The following DOCK8 variants were observed in gnomAD, a reference collection of about 807,000 sequenced individuals.
DOCK8 encodes the protein dedicator of cytokinesis 8, also known as dedicator of cytokinesis protein 8.
DOCK8 carries 141 observed loss-of-function variants against 245.6 expected under a neutral mutation model. The ratio of observed to expected loss-of-function variants is 0.57; its 90% confidence interval spans 0.50 to 0.66. The LOEUF (loss-of-function observed/expected upper bound fraction) is 0.66, where lower values mean the gene tolerates loss of function less well. DOCK8 is among the 30% of genes least tolerant of loss of function. The probability of loss-of-function intolerance (pLI) is 0.00; values close to 1 mark genes in which losing one functional copy is unlikely to be tolerated. For missense variants in DOCK8, 2,965 were observed against 2,603.4 expected, an observed-to-expected ratio of 1.14 and a Z score of -3.02; for synonymous variants, 1,168 against 970.2, an observed-to-expected ratio of 1.20 and a Z score of -3.79.
In DOCK8 at chr9:399,242, A is replaced by G. The variant is rs1586903036; in HGVS notation, c.3217A>G (p.Arg1073Gly). 6.2e-7 allele frequency: 1 copy of G among 1,613,578 alleles called. No individual in the cohort carries two copies. Among genetic ancestry groups the G allele is most frequent in the Non-Finnish European group, 8.5e-7 (1 of 1,179,854 alleles). ...TCGGGGCTTTGTGTTTAACCTCATC[A>G]GACATTATTGCAGCCAGGTGAGTGT... ...MDRGFVFNLI[R>G]HYCSQLSAKL... The change falls in exon 26 of 48, where the codon AGA becomes GGA. Residue 1073 changes from arginine (R) to glycine (G), a missense_variant. Physicochemically the swap from Arg to Gly is moderately radical, Grantham distance 125 (BLOSUM62 -2). Coordinates refer to ENST00000432829, the MANE Select transcript of DOCK8 (RefSeq NM_203447.4).
chr9:289,497 T>G lies in DOCK8; in HGVS notation c.333-13T>G. On this transcript the variant is annotated splice_polypyrimidine_tract_variant and intron_variant, in intron 3 of 47. Coordinates refer to ENST00000432829, the MANE Select transcript of DOCK8 (RefSeq NM_203447.4). Reference sequence around the variant, plus strand: ...CAGTAATAACGTGTTTATTTCATTTTCTACCTCATTAGGGTTGAACTGGAC... The same window carrying G: ...CAGTAATAACGTGTTTATTTCATTTGCTACCTCATTAGGGTTGAACTGGAC... 1.2e-6 allele frequency: 2 copies of G among 1,611,794 alleles called. No individual in the cohort carries two copies. The highest frequency in any genetic ancestry group is 1.1e-5 in the South Asian group (1 of 91,018).
At chr9:214,505 A>G, upstream of DOCK8, 1 of 1,612,570 alleles carries the variant, frequency 6.2e-7, no homozygotes, top group Non-Finnish European at 8.5e-7. Flanking sequence ...AATAACACCT[A>G]GCCTTACGAA....
rs1408733590 is a variant in DOCK8, at chr9:446,396, G to A, written c.5607G>A (p.Glu1869=). 1.2e-6 allele frequency: 2 copies of A among 1,614,214 alleles called. No homozygotes were observed. Among genetic ancestry groups the A allele is most frequent in the East Asian group, 2.2e-5 (1 of 44,884 alleles). ...NKAYIQITFV[E]PYFDEYEMKD... is the part of the protein sequence containing the mutation. ...CCTACATACAGATCACTTTTGTGGA[G>A]CCCTACTTTGATGAGTATGAGATGA... Residue 1869 remains glutamate (E), a synonymous_variant, in exon 44 of 48, where the codon GAG becomes GAA. Transcript: ENST00000432829.
chr9:324,743 A>G (rs1228666754), intron 7 of DOCK8, among the ~76,000 whole-genome samples: 1 of 152,146 alleles, frequency 6.6e-6, no homozygotes, highest in Non-Finnish European at 1.5e-5. Context: ...CTACAAATCT[A>G]AGGAAAAGCA....
chr9:365,851 C>A, intron 14 of DOCK8: 1 of 349,374 alleles, frequency 2.9e-6, no homozygotes. Flanking sequence ...GTCTGTACCC[C>A]ACACACATCC....
At chr9:389,128 C>G (rs2054079171) in intron 23 of DOCK8, among the ~76,000 whole-genome samples, 1 of 152,080 alleles carries the variant, frequency 6.6e-6, no homozygotes, top group African/African-American at 2.4e-5. Context: ...TCTCATTTGC[C>G]CAGGACTGAG....
At chr9:330,836 A>C (rs974663755) in intron 9 of DOCK8, among the ~76,000 whole-genome samples, 8 of 152,208 alleles carry the variant, frequency 5.3e-5, no homozygotes, top group African/African-American at 1.9e-4. Context: ...GGGAACAAAC[A>C]ATAGGTTCTC....
Position 371,488 on chromosome 9 carries a change from C to T in DOCK8, c.1929C>T (p.His643=), listed in dbSNP as rs768225064. 38 of 1,614,084 alleles carry T rather than the reference C, an allele frequency of 2.4e-5. No individual in the cohort carries two copies. The highest frequency in any genetic ancestry group is 3.2e-5 in the Non-Finnish European group (38 of 1,180,030). ...TCCCCGCTAAGCTCACAGTAAATCA[C>T]CACCTCCTGTTCACCTTCTACCATA... The part of the protein sequence containing the change: ...IKLPAKLTVN[H]HLLFTFYHIS... Residue 643 remains histidine, a synonymous_variant, in exon 17 of 48, where the codon CAC becomes CAT. Transcript: ENST00000432829.
At chr9:443,046 A>G (rs939596854) in intron 42 of DOCK8, among the ~76,000 whole-genome samples, 2 of 152,164 alleles carry the variant, frequency 1.3e-5, no homozygotes, top group Admixed American at 6.5e-5. Context: ...CCTACTTAGA[A>G]TTAGAGGTAT....
At chr9:271,477 T>C in intron 1 of DOCK8, 150 bp from the exon 2 acceptor site, 1 of 648,572 alleles carries the variant, frequency 1.5e-6, no homozygotes, top group South Asian at 1.8e-5. Context: ...CGATGTCCAC[T>C]AACAGGCCAC....
At chr9:453,049 A>G (rs904338250) in intron 46 of DOCK8, 1 of 152,240 alleles carries the variant, frequency 6.6e-6, no homozygotes. Flanking sequence ...CACTTGGCAG[A>G]TGGGGATAAA....
chr9:231,041 C>T (rs1339764449), intron 1 of DOCK8, among the ~76,000 whole-genome samples: 2 of 152,026 alleles, frequency 1.3e-5, no homozygotes, highest in African/African-American at 4.8e-5. Context: ...TTAGGTCTAA[C>T]ATTTAAGTCT....
chr9:253,571 G>T (rs558118426), intron 1 of DOCK8, among the ~76,000 whole-genome samples: 4 of 152,168 alleles, frequency 2.6e-5, no homozygotes, highest in Admixed American at 6.5e-5. Context: ...GAACAGGGAA[G>T]GTTTGCCTCC....
intron 6 of DOCK8, among the ~76,000 whole-genome samples, chr9:313,188 A>G (rs1253747594): frequency 4.6e-5 from 7 of 152,220 alleles, no homozygotes; most frequent in East Asian, 3.8e-4. Context: ...ACATTGACCT[A>G]CTCACCATCT....
chr9:214,426 C>T (rs2046683004), upstream of DOCK8: 9 of 1,410,100 alleles, frequency 6.4e-6, no homozygotes, highest in Non-Finnish European at 8.9e-6. Flanking sequence ...TGATTTGAAT[C>T]CTGATAGATT....
At position 465,153 on chromosome 9, in the gene DOCK8, GA is replaced by G. The variant is rs2057931073; in HGVS notation, c.*939del. 6.6e-6 allele frequency: 1 copy of G among 152,478 alleles called. No homozygotes were observed. Among genetic ancestry groups the G allele is most frequent in the African/African-American group, 2.4e-5 (1 of 41,390 alleles). The allele number at this position is 152,478 out of a possible 1,614,324, so 9.4% of individuals were successfully genotyped here. A position where few individuals can be genotyped will look rare whatever the true frequency, so the allele number is the denominator to read the frequency against. On this transcript the variant is annotated 3_prime_UTR_variant, in exon 48 of 48. Transcript: ENST00000432829. ...GACTTCTTTTGACAAAGGACTTTAG[GA>G]AAAAGAGGAACAAAGACATTATTTG...
At chr9:388,248 C>A (rs2054037008) in intron 23 of DOCK8, among the ~76,000 whole-genome samples, 1 of 152,140 alleles carries the variant, frequency 6.6e-6, no homozygotes, top group South Asian at 2.1e-4. Flanking sequence ...CAACCCCACG[C>A]CTCTCTCAAG....
rs142803680 is a variant in DOCK8 at position 347,510 on chromosome 9, C to G, written c.1679+7189C>G. Reference sequence around the variant, plus strand: ...AACAGAGTGAGACTCTTTCAAAAAACAAAAACAAAAAACTCTGTCCTAAGT... The same window carrying G: ...AACAGAGTGAGACTCTTTCAAAAAAGAAAAACAAAAAACTCTGTCCTAAGT... On this transcript the variant is annotated intron_variant, in intron 14 of 47. Coordinates refer to ENST00000432829, the MANE Select transcript of DOCK8 (RefSeq NM_203447.4). Among the ~76,000 whole-genome samples, 431 of 152,182 alleles carry G rather than the reference C, an allele frequency of 2.8e-3. 5 individuals are homozygous for G. Among genetic ancestry groups the G allele is most frequent in the African/African-American group, 9.5e-3 (396 of 41,526 alleles).
chr9:400,034 C>CCACCTCCTTCACCATCACCAT (rs2054706575), intron 26 of DOCK8, among the ~76,000 whole-genome samples: 1 of 91,932 alleles, frequency 1.1e-5, no homozygotes, highest in Non-Finnish European at 2.1e-5. Context: ...TCCACCATCA[C>CCACCTCCTTCACCATCACCAT]CACCACCACC....
Sources: allele counts gnomAD v4.1 joint callset (sites outside exome capture counted in the v4.1 genomes callset), GRCh38; gene constraint gnomAD v4.1.1; transcripts MANE v1.5; gene names NCBI Gene and HGNC (gene_info 2026-07-23, HGNC 2026-07-21).